The following GRIN3A variants were observed in gnomAD, a reference collection of about 807,000 sequenced individuals.
GRIN3A encodes the protein glutamate ionotropic receptor NMDA type subunit 3A.
Under a neutral mutation model 92.4 loss-of-function variants are expected in GRIN3A, and 47 were observed. The ratio of observed to expected loss-of-function variants is 0.51; its 90% confidence interval spans 0.40 to 0.65. The LOEUF (loss-of-function observed/expected upper bound fraction) is 0.65, where lower values mean the gene tolerates loss of function less well. GRIN3A is among the 30% of genes least tolerant of loss of function. The probability of loss-of-function intolerance (pLI) is 0.00; values close to 1 mark genes in which losing one functional copy is unlikely to be tolerated. For synonymous variants in GRIN3A, 527 were observed against 540.6 expected (o/e 0.97, Z 0.35); for missense variants, 1,324 against 1,393.1 (o/e 0.95, Z 0.79).
rs2118800435 is a variant in GRIN3A, at chr9:101,587,143, C to T, written c.2767-7783G>A. Among the ~76,000 whole-genome samples the T allele has an allele frequency of 1.3e-5, 2 of 152,162 alleles. 1 individual carries two copies. The highest frequency in any genetic ancestry group is 4.2e-4 in the South Asian group (2 of 4,812). ...TGATCAACATGGTGAAACCCTGTCT[C>T]TACTAAAAATACAAAAATTAGTCAG... On this transcript the variant is annotated intron_variant, in intron 6 of 8. Coordinates refer to ENST00000361820, the MANE Select transcript of GRIN3A (RefSeq NM_133445.3).
chr9:101,673,615 A>C (rs148123386), intron 2 of GRIN3A, among the ~76,000 whole-genome samples: 294 of 152,274 alleles, frequency 1.9e-3, no homozygotes, highest in African/African-American at 6.8e-3. Flanking sequence ...ATAAATGCTC[A>C]CTAAATTAGT....
At chr9:101,621,703 A>G (rs939545645) in intron 5 of GRIN3A, among the ~76,000 whole-genome samples, 14 of 152,198 alleles carry the variant, frequency 9.2e-5, no homozygotes, top group Non-Finnish European at 1.6e-4. Context: ...GGCATCTGGC[A>G]CTAGGGTCCA....
intron 6 of GRIN3A, among the ~76,000 whole-genome samples, chr9:101,609,303 C>T (rs1204250404): frequency 6.6e-6 from 1 of 152,156 alleles, no homozygotes; most frequent in Non-Finnish European, 1.5e-5. Context: ...AGAAAGACAC[C>T]TGAAGATATC....
chr9:101,703,617 C>T (rs115259992), intron 1 of GRIN3A, among the ~76,000 whole-genome samples: 1 of 152,194 alleles, frequency 6.6e-6, no homozygotes, highest in African/African-American at 2.4e-5. Context: ...ACTATAATCT[C>T]AGGACCTAGG....
intron 1 of GRIN3A, among the ~76,000 whole-genome samples, chr9:101,689,013 G>C (rs1442256037): frequency 6.6e-6 from 1 of 152,166 alleles, no homozygotes; most frequent in African/African-American, 2.4e-5. Flanking sequence ...GGATCTTGAG[G>C]TGAGAGAAAT....
At chr9:101,594,084 G>A (rs557861452) in intron 6 of GRIN3A, 27 of 254,518 alleles carry the variant, frequency 1.1e-4, no homozygotes, top group African/African-American at 4.2e-4. Flanking sequence ...CAGCAAAAAT[G>A]TATACTTTCT....
chr9:101,706,257 T>C (rs140207149), intron 1 of GRIN3A, among the ~76,000 whole-genome samples: 10 of 152,332 alleles, frequency 6.6e-5, no homozygotes, highest in African/African-American at 2.4e-4. Flanking sequence ...TGGTAGTTAA[T>C]TCATTGTTAT....
chr9:101,579,202 G>T lies in GRIN3A; in HGVS notation c.2925C>A (p.Thr975=). 1 of 1,613,812 alleles carries T rather than the reference G, an allele frequency of 6.2e-7. No homozygotes were observed. The highest frequency in any genetic ancestry group is 8.5e-7 in the Non-Finnish European group (1 of 1,179,832). Residue 975 remains threonine, a synonymous_variant, in exon 7 of 9, where the codon ACC becomes ACA. Coordinates refer to ENST00000361820, the MANE Select transcript of GRIN3A (RefSeq NM_133445.3). The part of the protein sequence containing the change: ...NKSKLQYWLH[T]SQRLHRAINT... ...AGACACCTGTGGCACTCACCTGGCT[G>T]GTGTGGAGCCAGTATTGCAGCTTGG...
chr9:101,691,893 C>A (rs1334082290), intron 1 of GRIN3A, among the ~76,000 whole-genome samples: 2 of 152,152 alleles, frequency 1.3e-5, no homozygotes, highest in African/African-American at 4.8e-5. Flanking sequence ...CATTTAGTAT[C>A]TCTGAGTCAT....
intron 1 of GRIN3A, among the ~76,000 whole-genome samples, chr9:101,714,122 C>T (rs763961109): frequency 1.3e-5 from 2 of 151,738 alleles, no homozygotes; most frequent in African/African-American, 4.8e-5. Context: ...TAGAACAAGG[C>T]AAAGAAAATA....
At chr9:101,584,193 G>C (rs1827922411) in intron 6 of GRIN3A, among the ~76,000 whole-genome samples, 1 of 152,122 alleles carries the variant, frequency 6.6e-6, no homozygotes, top group Non-Finnish European at 1.5e-5. Context: ...GGCATTTATT[G>C]CTCCAGTTGG....
chr9:101,727,112 G>A (rs1394177030), intron 1 of GRIN3A, among the ~76,000 whole-genome samples: 1 of 152,110 alleles, frequency 6.6e-6, no homozygotes, highest in East Asian at 1.9e-4. Flanking sequence ...AAATCCCTTC[G>A]GTAACAGTGT....
At chr9:101,691,906 C>G (rs1486260144) in intron 1 of GRIN3A, among the ~76,000 whole-genome samples, 2 of 152,156 alleles carry the variant, frequency 1.3e-5, no homozygotes, top group African/African-American at 2.4e-5. Flanking sequence ...TGAGTCATAC[C>G]TCCCTCATCT....
At chr9:101,709,854 C>G (rs1829858021) in intron 1 of GRIN3A, among the ~76,000 whole-genome samples, 1 of 152,178 alleles carries the variant, frequency 6.6e-6, no homozygotes, top group African/African-American at 2.4e-5. Context: ...TGACTCTACA[C>G]TGCATTTATT....
chr9:101,717,492 C>A (rs1056334876), intron 1 of GRIN3A, among the ~76,000 whole-genome samples: 3 of 152,092 alleles, frequency 2.0e-5, no homozygotes, highest in African/African-American at 4.8e-5. Context: ...CCTAAAGAGT[C>A]GTACTTAATG....
intron 6 of GRIN3A, 80 bp downstream of exon 6, chr9:101,613,296 G>T: frequency 1.4e-6 from 2 of 1,420,234 alleles, no homozygotes; most frequent in Non-Finnish European, 2.0e-6. Context: ...TAGATGATGA[G>T]GCACAAGTAA....
chr9:101,603,041 G>A (rs1588244037), intron 6 of GRIN3A: 1 of 110,952 alleles, frequency 9.0e-6, no homozygotes, highest in East Asian at 2.1e-4. Context: ...TGAGCTAGAG[G>A]AAAGAAAGAA....
intron 1 of GRIN3A, among the ~76,000 whole-genome samples, chr9:101,734,108 T>TA (rs1235225252): frequency 6.6e-5 from 10 of 152,136 alleles, no homozygotes; most frequent in African/African-American, 9.6e-5. Flanking sequence ...ATATTTTTTT[T>TA]AAAAAATGTG....
At chr9:101,707,593 A>T (rs1389194681) in intron 1 of GRIN3A, among the ~76,000 whole-genome samples, 1 of 152,172 alleles carries the variant, frequency 6.6e-6, no homozygotes, top group East Asian at 1.9e-4. Flanking sequence ...TAATACACTC[A>T]TCTCTATAGT....
Sources: gnomAD v4.1 joint callset for allele counts (sites outside exome capture counted in the v4.1 genomes callset) on GRCh38, gnomAD v4.1.1 for gene constraint, MANE v1.5 for transcripts, NCBI Gene and HGNC (gene_info 2026-07-23, HGNC 2026-07-21) for gene names.